The following PDSS2 variants were observed in gnomAD, a reference collection of about 807,000 sequenced individuals.
The protein encoded by PDSS2 is all trans-polyprenyl-diphosphate synthase PDSS2.
A neutral mutation model predicts 44.5 loss-of-function variants in PDSS2; 31 were observed. The ratio of observed to expected loss-of-function variants is 0.70; its 90% CI spans 0.52 to 0.94. The LOEUF is 0.94. PDSS2 is among the 40% of genes least tolerant of loss of function. PDSS2 has a pLI of 0.00. For synonymous variants in PDSS2, 157 were observed against 180.3 expected, an observed-to-expected ratio of 0.87 and a Z score of 1.03; for missense variants, 452 against 482.2, an observed-to-expected ratio of 0.94 and a Z score of 0.59.
intron 4 of PDSS2, among the ~76,000 whole-genome samples, chr6:107,213,937 T>C (rs9320207): frequency 0.76 from 116,136 of 151,992 alleles, 45,140 homozygotes; most frequent in East Asian, 0.99. Flanking sequence ...TGCTGTCCAA[T>C]GGAAATATAA....
At chr6:107,438,466 C>T (rs556887918) in intron 1 of PDSS2, among the ~76,000 whole-genome samples, 23 of 152,272 alleles carry the variant, frequency 1.5e-4, no homozygotes, top group African/African-American at 5.3e-4. Flanking sequence ...CTACGCGCCT[C>T]GGCCTCCCAA....
chr6:107,403,360 C>G (rs1780207418), intron 1 of PDSS2, among the ~76,000 whole-genome samples: 1 of 152,222 alleles, frequency 6.6e-6, no homozygotes, highest in Admixed American at 6.5e-5. Flanking sequence ...GGACAGCCTC[C>G]CTCCCAGCTG....
At chr6:107,376,494 A>T in intron 1 of PDSS2, among the ~76,000 whole-genome samples, 1 of 152,134 alleles carries the variant, frequency 6.6e-6, no homozygotes, top group Non-Finnish European at 1.5e-5. Context: ...TGTAAGCTGG[A>T]TTCCTAAGTA....
At chr6:107,356,436 G>A (rs1359789577) in intron 1 of PDSS2, among the ~76,000 whole-genome samples, 2 of 152,178 alleles carry the variant, frequency 1.3e-5, no homozygotes, top group African/African-American at 4.8e-5. Flanking sequence ...CAGGTGTTTG[G>A]AGAAGGAGAA....
chr6:107,417,613 AG>A (rs1238770983), intron 1 of PDSS2, among the ~76,000 whole-genome samples: 3 of 152,148 alleles, frequency 2.0e-5, no homozygotes, highest in Admixed American at 2.0e-4. Flanking sequence ...ACAAAAAATT[AG>A]CTGGGCACGG....
chr6:107,233,110 C>T (rs1334888570), intron 4 of PDSS2, among the ~76,000 whole-genome samples: 4 of 152,190 alleles, frequency 2.6e-5, no homozygotes, highest in African/African-American at 9.7e-5. Flanking sequence ...AGCCACTGCG[C>T]TGGGTCCAAT....
intron 4 of PDSS2, among the ~76,000 whole-genome samples, chr6:107,212,776 C>T (rs1366387440): frequency 1.4e-5 from 2 of 147,680 alleles, no homozygotes; most frequent in East Asian, 4.0e-4. Context: ...GAGGCCAAGG[C>T]AGGAGGATTG....
chr6:107,169,449 T>C (rs948864362), intron 7 of PDSS2, among the ~76,000 whole-genome samples: 2 of 152,328 alleles, frequency 1.3e-5, no homozygotes, highest in African/African-American at 2.4e-5. Context: ...CGGAGAAGTC[T>C]GATCATCTGA....
At chr6:107,420,761 T>C (rs942804249) in intron 1 of PDSS2, among the ~76,000 whole-genome samples, 7 of 151,938 alleles carry the variant, frequency 4.6e-5, no homozygotes, top group African/African-American at 1.7e-4. Context: ...TAGGAGAACA[T>C]CTTTGGGACC....
chr6:107,322,485 C>T (rs937000237), intron 2 of PDSS2, among the ~76,000 whole-genome samples: 5 of 152,040 alleles, frequency 3.3e-5, no homozygotes, highest in African/African-American at 9.7e-5. Context: ...GGCCACTGTA[C>T]TCCAGCCTGG....
chr6:107,262,717 A>T (rs1775281042), intron 3 of PDSS2, among the ~76,000 whole-genome samples: 1 of 152,088 alleles, frequency 6.6e-6, no homozygotes, highest in Non-Finnish European at 1.5e-5. Flanking sequence ...GGTTGCAGTG[A>T]GCCAGGATCG....
At chr6:107,389,613 T>G (rs1198403763) in intron 1 of PDSS2, among the ~76,000 whole-genome samples, 1 of 152,160 alleles carries the variant, frequency 6.6e-6, no homozygotes, top group Non-Finnish European at 1.5e-5. Flanking sequence ...TGGTATTGGA[T>G]TGGAGACAGA....
intron 1 of PDSS2, among the ~76,000 whole-genome samples, chr6:107,382,938 T>C (rs1583017412): frequency 6.6e-6 from 1 of 152,220 alleles, no homozygotes; most frequent in South Asian, 2.1e-4. Context: ...ATAAATGGTA[T>C]GGGGACAACT....
chr6:107,321,723 T>C (rs918212482), intron 2 of PDSS2, among the ~76,000 whole-genome samples: 3 of 152,216 alleles, frequency 2.0e-5, no homozygotes, highest in Admixed American at 6.5e-5. Context: ...GTTGTTCTGG[T>C]TGACTTCAAT....
At chr6:107,280,361 C>T (rs572601008) in intron 2 of PDSS2, among the ~76,000 whole-genome samples, 1 of 151,944 alleles carries the variant, frequency 6.6e-6, no homozygotes, top group South Asian at 2.1e-4. Flanking sequence ...TATGCTGGGC[C>T]CTCATGCTAA....
intron 2 of PDSS2, among the ~76,000 whole-genome samples, chr6:107,327,114 G>A (rs1777572470): frequency 6.6e-6 from 1 of 152,180 alleles, no homozygotes; most frequent in Admixed American, 6.5e-5. Context: ...ATGAATATGT[G>A]TGTCCCAGGA....
intron 3 of PDSS2, among the ~76,000 whole-genome samples, chr6:107,259,262 T>C (rs1363970637): frequency 1.3e-5 from 2 of 152,172 alleles, no homozygotes; most frequent in Admixed American, 1.3e-4. Flanking sequence ...AGATATCAGA[T>C]AGACTGAAAT....
At chr6:107,261,740 G>A (rs1457190165) in intron 3 of PDSS2, among the ~76,000 whole-genome samples, 3 of 151,430 alleles carry the variant, frequency 2.0e-5, no homozygotes, top group Non-Finnish European at 4.4e-5. Flanking sequence ...ACCATGCCCG[G>A]CTAATTTTTT....
intron 4 of PDSS2, among the ~76,000 whole-genome samples, chr6:107,225,166 T>TATATATATATATATATATA (rs1773771631): frequency 7.7e-5 from 3 of 38,792 alleles, no homozygotes; most frequent in Non-Finnish European, 1.4e-4. Context: ...TATATATTTT[T>TATATATATATATATATATA]TTTTTTTTTT....
Sources: gnomAD v4.1 joint callset for allele counts (sites outside exome capture counted in the v4.1 genomes callset) on GRCh38, gnomAD v4.1.1 for gene constraint, MANE v1.5 for transcripts, NCBI Gene and HGNC (gene_info 2026-07-23, HGNC 2026-07-21) for gene names.